AQR: variants seen among roughly 807,000 people sequenced by gnomAD.
AQR encodes the protein RNA helicase aquarius.
In AQR, 61 loss-of-function variants were observed where a neutral mutation model predicts 180.5. The observed-to-expected ratio is 0.34, with a 90% CI of 0.28 to 0.42. The LOEUF (loss-of-function observed/expected upper bound fraction) is 0.42, where lower values mean the gene tolerates loss of function less well. Among genes scored for constraint, AQR ranks in the 10% least tolerant of loss-of-function variants. The pLI is 1.00. For synonymous variants in AQR, 551 were observed against 588.8 expected (o/e 0.94, Z 0.93); for missense variants, 1,281 against 1,798.3 (o/e 0.71, Z 5.20).
At chr15:34,873,440 T>G (rs965374283) in intron 30 of AQR, among the ~76,000 whole-genome samples, 4 of 152,174 alleles carry the variant, frequency 2.6e-5, no homozygotes, top group Non-Finnish European at 5.9e-5. Context: ...TAGTCTTGAT[T>G]TTTTAAAACA....
In AQR at chr15:34,884,616, T is replaced by A. The variant is rs892127039; in HGVS notation, c.2936A>T (p.Gln979Leu). The change falls in exon 26 of 35, where the codon CAA (glutamine) becomes CTA (leucine). Residue 979 changes from glutamine to leucine, a missense_variant. By Grantham distance (113) the Gln-to-Leu change is moderately radical. Transcript: ENST00000156471. ...ATAAGATCTTCCTTTAAAAATGGGT[T>A]GAGGAGCATTTGCAAAGTATTCATG... ...PFHEYFANAP[Q>L]PIFKGRSYEE... The A allele has an allele frequency of 1.2e-6, 2 of 1,610,228 alleles. No individual in the cohort carries two copies.
At chr15:34,895,069 G>A (rs1893212158) in intron 22 of AQR, among the ~76,000 whole-genome samples, 1 of 143,906 alleles carries the variant, frequency 6.9e-6, no homozygotes, top group Admixed American at 7.1e-5. Context: ...TCAGGTGGCT[G>A]AGGCACAAGA....
intron 5 of AQR, 171 bp downstream of exon 5, chr15:34,948,093 T>C (rs914005896): frequency 3.1e-6 from 2 of 649,620 alleles, no homozygotes; most frequent in African/African-American, 1.8e-5. Context: ...GAAGAAAGTA[T>C]TGAAACCAAA....
chr15:34,931,884 G>A (rs1227993624), intron 11 of AQR, among the ~76,000 whole-genome samples: 1 of 152,152 alleles, frequency 6.6e-6, no homozygotes, highest in Non-Finnish European at 1.5e-5. Flanking sequence ...GTAAAATACT[G>A]TGTCTTCCTA....
chr15:34,894,560 C>A (rs1193303046), intron 22 of AQR, among the ~76,000 whole-genome samples: 1 of 151,930 alleles, frequency 6.6e-6, no homozygotes, highest in African/African-American at 2.4e-5. Flanking sequence ...CTTGGAATAT[C>A]TGGAATGTAG....
intron 34 of AQR, 117 bp from the exon 35 acceptor site, chr15:34,857,223 G>A: frequency 1.1e-6 from 1 of 905,172 alleles, no homozygotes; most frequent in Non-Finnish European, 1.6e-6. Context: ...TTATACTCCA[G>A]ATGTAACACC....
At chr15:34,966,802 C>T (rs1185980919) in intron 1 of AQR, among the ~76,000 whole-genome samples, 5 of 151,334 alleles carry the variant, frequency 3.3e-5, no homozygotes, top group Non-Finnish European at 1.5e-5. Context: ...CTAATATTTG[C>T]CAGATACTGT....
At position 34,968,457 on chromosome 15, in the gene AQR, A is replaced by G. The variant is rs111403014; in HGVS notation, c.75+1082T>C. ...TTATTTTTAGTAGAGACGGGGTTTC[A>G]CCGTGTTAGCCAGGATGGTCTCGAT... On this transcript the variant is annotated intron_variant, in intron 1 of 34. Coordinates refer to ENST00000156471, the MANE Select transcript of AQR (RefSeq NM_014691.3). Among the ~76,000 whole-genome samples the G allele has an allele frequency of 1.5e-4, 23 of 150,896 alleles. 1 individual carries two copies. The highest frequency in any genetic ancestry group is 4.2e-4 in the South Asian group (2 of 4,750).
intron 32 of AQR, 122 bp from the exon 33 acceptor site, chr15:34,863,163 T>C: frequency 1.1e-6 from 1 of 898,944 alleles, no homozygotes; most frequent in East Asian, 2.7e-5. Context: ...AAGTTAAGCT[T>C]CTTAAAAACT....
intron 6 of AQR, chr15:34,942,996 T>C: frequency 7.0e-7 from 1 of 1,421,566 alleles, no homozygotes; most frequent in Non-Finnish European, 9.7e-7. Flanking sequence ...GATAAAAAAA[T>C]CACATCTATT....
At chr15:34,871,867 C>T (rs1265270671) in intron 30 of AQR, among the ~76,000 whole-genome samples, 1 of 151,290 alleles carries the variant, frequency 6.6e-6, no homozygotes, top group African/African-American at 2.4e-5. Context: ...AGGAACCACA[C>T]ACAAAGCTCT....
chr15:34,911,705 A>G (rs894147696), intron 16 of AQR, among the ~76,000 whole-genome samples: 3 of 152,108 alleles, frequency 2.0e-5, no homozygotes, highest in African/African-American at 7.2e-5. Context: ...AATCAGACAC[A>G]TGGTTTGCAA....
rs752679355 is a variant in AQR at position 34,904,342 on chromosome 15, G to A, written c.1995C>T (p.Asn665=). 1.3e-6 allele frequency: 2 copies of A among 1,581,286 alleles called. No homozygotes were observed. The highest frequency in any genetic ancestry group is 1.7e-6 in the Non-Finnish European group (2 of 1,164,494). ...TTACATACCCCCAAATTACCTTAAAGTTATTTTCCTTTGGTTTTCTCCTCA... is the reference window on the plus strand; with the variant it reads ...TTACATACCCCCAAATTACCTTAAAATTATTTTCCTTTGGTTTTCTCCTCA... ...IIMRRKPKEN[N]FKAVLETIRN... is the part of the protein sequence containing the mutation. Residue 665 remains asparagine (N), a synonymous_variant, in exon 19 of 35, where the codon AAC becomes AAT. Coordinates refer to ENST00000156471, the MANE Select transcript of AQR (RefSeq NM_014691.3).
rs370180316 is a variant in AQR at position 34,893,583 on chromosome 15, A to G, written c.2571+80T>C. On this transcript the variant is annotated intron_variant, in intron 23 of 34. Transcript: ENST00000156471. ...ACCTCCCCCTCAACCCCTAACCTGC[A>G]TACCCATGTGCATGCGCATGCGTGC... is the stretch of plus-strand genomic sequence containing the variant. The G allele has an allele frequency of 5.0e-5, 62 of 1,252,488 alleles. 1 individual carries two copies. The Middle Eastern group carries it at 8.1e-4, about 16-fold the overall frequency. 77.6% of individuals were successfully genotyped at this position (1,252,488 alleles called of 1,614,324 possible).
chr15:34,898,766 C>T (rs1410091407), intron 20 of AQR, among the ~76,000 whole-genome samples: 2 of 151,244 alleles, frequency 1.3e-5, no homozygotes, highest in South Asian at 2.1e-4. Context: ...CGCCTGTAGT[C>T]CCAGCTACTC....
At chr15:34,963,488 A>G (rs1186124779) in intron 2 of AQR, among the ~76,000 whole-genome samples, 1 of 152,114 alleles carries the variant, frequency 6.6e-6, no homozygotes, top group Non-Finnish European at 1.5e-5. Flanking sequence ...TCACCACTCT[A>G]AAAACAAGAT....
chr15:34,864,231 T>C (rs1310982675), intron 32 of AQR, among the ~76,000 whole-genome samples: 1 of 152,152 alleles, frequency 6.6e-6, no homozygotes, highest in East Asian at 1.9e-4. Context: ...GGAGGTACAG[T>C]GTGACACCAG....
At chr15:34,874,250 C>T in intron 29 of AQR, 1 of 359,668 alleles carries the variant, frequency 2.8e-6, no homozygotes. Context: ...TATCTTTATC[C>T]CTTAAATTAA....
At chr15:34,923,985 A>G (rs946316532) in intron 13 of AQR, among the ~76,000 whole-genome samples, 1 of 152,212 alleles carries the variant, frequency 6.6e-6, no homozygotes, top group African/African-American at 2.4e-5. Flanking sequence ...ATTAAAATAT[A>G]TCTATAGATT....
Sources: allele counts gnomAD v4.1 joint callset (sites outside exome capture counted in the v4.1 genomes callset), GRCh38; gene constraint gnomAD v4.1.1; transcripts MANE v1.5; gene names NCBI Gene and HGNC (gene_info 2026-07-23, HGNC 2026-07-21).